Variants in PDE4D observed in about 807,000 individuals in gnomAD.
PDE4D encodes the protein phosphodiesterase 4D.
In PDE4D, 24 loss-of-function variants were observed where a neutral mutation model predicts 87.4. The observed-to-expected ratio is 0.27, with a 90% CI of 0.20 to 0.39. The LOEUF (loss-of-function observed/expected upper bound fraction) is 0.39, where lower values mean the gene tolerates loss of function less well. PDE4D is among the 10% of genes least tolerant of loss of function. The pLI, the probability that PDE4D is intolerant of heterozygous loss-of-function variation, is 1.00. For missense variants in PDE4D, 714 were observed against 1,041.0 expected, an observed-to-expected ratio of 0.69 and a Z score of 4.32; for synonymous variants, 384 against 383.2, an observed-to-expected ratio of 1.00 and a Z score of -0.02.
chr5:59,029,185 G>A (rs1404400712), intron 6 of PDE4D, among the ~76,000 whole-genome samples: 1 of 151,756 alleles, frequency 6.6e-6, no homozygotes, highest in African/African-American at 2.4e-5. Context: ...GGCCGAGGCG[G>A]GCAGATCATG....
intron 2 of PDE4D, 79 bp downstream of exon 2, chr5:59,215,698 G>A (rs1751102143): frequency 2.5e-6 from 3 of 1,209,482 alleles, no homozygotes; most frequent in Non-Finnish European, 3.7e-6. Context: ...TTGAACAAAA[G>A]TCATTAGTTT....
At chr5:59,529,295 T>A in intron 1 of PDE4D, 2 of 330,690 alleles carry the variant, frequency 6.0e-6, no homozygotes, top group South Asian at 6.7e-5. Context: ...TTAAATAAAT[T>A]GTCTATTAAT....
chr5:60,388,137 C>T (rs751914940), intron 1 of PDE4D, among the ~76,000 whole-genome samples: 1 of 152,120 alleles, frequency 6.6e-6, no homozygotes, highest in African/African-American at 2.4e-5. Context: ...CCTCCAAGAA[C>T]CTTCACGTGT....
intron 1 of PDE4D, among the ~76,000 whole-genome samples, chr5:59,444,068 C>A (rs745512728): frequency 1.3e-5 from 2 of 152,194 alleles, no homozygotes; most frequent in Non-Finnish European, 2.9e-5. Context: ...TTTTCTGCAA[C>A]GACACGCTCT....
intron 1 of PDE4D, among the ~76,000 whole-genome samples, chr5:60,459,276 T>A (rs1022525601): frequency 2.0e-5 from 3 of 152,158 alleles, no homozygotes; most frequent in Non-Finnish European, 2.9e-5. Flanking sequence ...CTGTTAAATA[T>A]CACAATAAAC....
chr5:59,488,925 C>A (rs2153659332), intron 1 of PDE4D, among the ~76,000 whole-genome samples: 1 of 152,144 alleles, frequency 6.6e-6, no homozygotes, highest in South Asian at 2.1e-4. Context: ...AGAAAAATGA[C>A]AAAGTTCTGT....
intron 1 of PDE4D, among the ~76,000 whole-genome samples, chr5:60,342,697 A>G (rs1390166944): frequency 1.8e-5 from 1 of 57,092 alleles, no homozygotes; most frequent in Non-Finnish European, 2.9e-5. Flanking sequence ...AAACCAATGA[A>G]AAAAAAAAGA....
chr5:59,368,936 G>C (rs1007772427), intron 1 of PDE4D, among the ~76,000 whole-genome samples: 3 of 152,148 alleles, frequency 2.0e-5, no homozygotes, highest in Non-Finnish European at 4.4e-5. Flanking sequence ...AAAAGCAATG[G>C]CAACACCAAA....
At chr5:60,165,548 T>C (rs1471025499) in intron 2 of PDE4D, among the ~76,000 whole-genome samples, 1 of 151,910 alleles carries the variant, frequency 6.6e-6, no homozygotes, top group Non-Finnish European at 1.5e-5. Flanking sequence ...ATGCAGGATG[T>C]CATTAATATT....
At chr5:60,431,744 C>T (rs548880904) in intron 1 of PDE4D, among the ~76,000 whole-genome samples, 1 of 152,184 alleles carries the variant, frequency 6.6e-6, no homozygotes, top group Non-Finnish European at 1.5e-5. Flanking sequence ...GAGGTTGTAG[C>T]GAGCCGAGAT....
intron 1 of PDE4D, among the ~76,000 whole-genome samples, chr5:60,193,947 T>G (rs1449605822): frequency 6.6e-6 from 1 of 151,404 alleles, no homozygotes; most frequent in Non-Finnish European, 1.5e-5. Flanking sequence ...GTGTTTCTCC[T>G]CCTATGAGGA....
chr5:59,698,450 A>C (rs1326483497), intron 1 of PDE4D, among the ~76,000 whole-genome samples: 1 of 151,988 alleles, frequency 6.6e-6, no homozygotes, highest in Non-Finnish European at 1.5e-5. Flanking sequence ...ATTACCCAAC[A>C]TGAAGGGTCA....
intron 5 of PDE4D, among the ~76,000 whole-genome samples, chr5:59,097,153 T>C (rs768229553): frequency 7.9e-5 from 12 of 152,192 alleles, no homozygotes; most frequent in Non-Finnish European, 1.2e-4. Context: ...ATTGTGATCA[T>C]TGATACATGC....
At chr5:59,055,950 T>C (rs1483971968) in intron 5 of PDE4D, among the ~76,000 whole-genome samples, 1 of 152,198 alleles carries the variant, frequency 6.6e-6, no homozygotes, top group Non-Finnish European at 1.5e-5. Context: ...CCTCAAGGCG[T>C]CTACCATCTA....
At chr5:60,148,091 G>T (rs964924276) in intron 2 of PDE4D, among the ~76,000 whole-genome samples, 1 of 152,140 alleles carries the variant, frequency 6.6e-6, no homozygotes, top group Non-Finnish European at 1.5e-5. Context: ...TATTTCTTTA[G>T]ATGCCAATTC....
chr5:59,471,170 AG>A (rs1470104464), intron 1 of PDE4D, among the ~76,000 whole-genome samples: 5 of 152,192 alleles, frequency 3.3e-5, no homozygotes, highest in Admixed American at 6.5e-5. Flanking sequence ...GCTTGAGCCC[AG>A]GAAGTCAAGG....
At chr5:60,462,655 G>T (rs1747044027) in intron 1 of PDE4D, among the ~76,000 whole-genome samples, 1 of 152,156 alleles carries the variant, frequency 6.6e-6, no homozygotes, top group African/African-American at 2.4e-5. Flanking sequence ...CTCAACAGGT[G>T]AGGCCAGGAC....
intron 1 of PDE4D, among the ~76,000 whole-genome samples, chr5:60,447,811 C>T (rs1057171984): frequency 2.0e-5 from 3 of 152,138 alleles, no homozygotes; most frequent in African/African-American, 7.2e-5. Context: ...TCATCGGCAG[C>T]GAGAAGTTGC....
At chr5:59,042,870 G>A (rs1028586026) in intron 5 of PDE4D, among the ~76,000 whole-genome samples, 1 of 152,164 alleles carries the variant, frequency 6.6e-6, no homozygotes, top group African/African-American at 2.4e-5. Context: ...TGTGCCAGGG[G>A]CTCCAGGAGA....
Sources: allele counts gnomAD v4.1 joint callset (sites outside exome capture counted in the v4.1 genomes callset), GRCh38; gene constraint gnomAD v4.1.1; transcripts MANE v1.5; gene names NCBI Gene and HGNC (gene_info 2026-07-23, HGNC 2026-07-21).